The following TYW1 variants were observed in gnomAD, a reference collection of about 807,000 sequenced individuals.
The protein encoded by TYW1 is tRNA-yW synthesizing protein 1 homolog.
TYW1 carries 46 observed loss-of-function variants against 96.2 expected under a neutral mutation model. The ratio of observed to expected loss-of-function variants is 0.48; its 90% CI spans 0.38 to 0.61. The LOEUF is 0.61. Ranked by LOEUF, TYW1 falls within the 20% of genes least tolerant of loss-of-function variation. TYW1 has a pLI of 0.00. For missense variants in TYW1, 684 were observed against 909.6 expected (o/e 0.75, Z 3.19); for synonymous variants, 274 against 323.0 (o/e 0.85, Z 1.63).
chr7:67,080,409 T>TA, intron 10 of TYW1, among the ~76,000 whole-genome samples: 1 of 151,946 alleles, frequency 6.6e-6, no homozygotes. Flanking sequence ...TTACTTTTTT[T>TA]TTTTTTTTTA....
At chr7:67,048,007 C>T (rs538044477) in intron 7 of TYW1, among the ~76,000 whole-genome samples, 7 of 150,846 alleles carry the variant, frequency 4.6e-5, no homozygotes, top group South Asian at 4.2e-4. Flanking sequence ...AGGCTGGTCT[C>T]GAACTCCTGA....
intron 7 of TYW1, among the ~76,000 whole-genome samples, chr7:67,025,687 T>G (rs1272783220): frequency 6.6e-6 from 1 of 152,154 alleles, no homozygotes; most frequent in Non-Finnish European, 1.5e-5. Flanking sequence ...TGTGACTGTT[T>G]CAGTGACTAG....
intron 7 of TYW1, among the ~76,000 whole-genome samples, chr7:67,033,518 A>T (rs1166357636): frequency 1.3e-5 from 2 of 152,108 alleles, no homozygotes; most frequent in African/African-American, 4.8e-5. Context: ...GAGAGGCTGG[A>T]TTGGCAGTTT....
intron 7 of TYW1, among the ~76,000 whole-genome samples, chr7:67,035,879 G>A (rs7781357): frequency 0.61 from 90,942 of 150,296 alleles, 27,584 homozygotes; most frequent in Admixed American, 0.65. Context: ...AGGTTTCACC[G>A]TGTTAGCCAG....
rs761345069 is a variant in TYW1 at position 67,014,472 on chromosome 7, G to T, written c.481G>T (p.Asp161Tyr). Residue 161 changes from aspartate to tyrosine, a missense_variant, in exon 5 of 16, where the codon GAT (aspartate) becomes TAT (tyrosine). Asp to Tyr is a radical substitution (Grantham distance 160). Coordinates refer to ENST00000359626, the MANE Select transcript of TYW1 (RefSeq NM_018264.4). The part of the protein sequence containing the change: ...FCKWLEEASI[D>Y]FRFGKTYLKG... ...CAAATGGTTAGAGGAAGCATCCATT[G>T]ATTTTCGATTTGGCAAAACTTACCT... 5.0e-6 allele frequency: 8 copies of T among 1,613,936 alleles called. No homozygotes were observed. The South Asian group carries it at 7.7e-5, about 16-fold the overall frequency.
chr7:67,222,474 AT>A (rs55809913), intron 15 of TYW1, among the ~76,000 whole-genome samples: 41,906 of 151,748 alleles, frequency 0.28, 6,216 homozygotes, highest in African/African-American at 0.39. Flanking sequence ...CCTGGTTGAC[AT>A]TTTTTTTCTT....
At chr7:67,013,028 A>G (rs1277714482) in intron 4 of TYW1, among the ~76,000 whole-genome samples, 1 of 152,102 alleles carries the variant, frequency 6.6e-6, no homozygotes, top group Non-Finnish European at 1.5e-5. Context: ...TAATGGTGCC[A>G]AGTGTTAAAT....
At chr7:67,018,817 G>A (rs186934986) in intron 6 of TYW1, among the ~76,000 whole-genome samples, 18 of 151,830 alleles carry the variant, frequency 1.2e-4, no homozygotes, top group Admixed American at 3.9e-4. Flanking sequence ...TTAGCCAGGT[G>A]TGGTGGCGGG....
intron 7 of TYW1, among the ~76,000 whole-genome samples, chr7:67,035,824 C>T (rs1794820957): frequency 6.6e-6 from 1 of 152,000 alleles, no homozygotes; most frequent in Non-Finnish European, 1.5e-5. Context: ...ACTACAGGTG[C>T]ATGCCACCAT....
Position 67,049,990 on chromosome 7 carries a change from G to T in TYW1, c.1026G>T (p.Arg342Ser), listed in dbSNP as rs764057302. The T allele has an allele frequency of 6.2e-7, 1 of 1,614,050 alleles. No homozygotes were observed. The highest frequency in any genetic ancestry group is 1.1e-5 in the South Asian group (1 of 91,074). Residue 342 changes from arginine to serine, a missense_variant, in exon 8 of 16, where the codon AGG becomes AGT. By Grantham distance (110) the Arg-to-Ser change is moderately radical (BLOSUM62 -1). Transcript: ENST00000359626. Reference protein sequence around the residue: ...EQQEEKSGLFRNMGRNEDGER... With the variant: ...EQQEEKSGLFSNMGRNEDGER... ...AGGAAGAGAAGTCTGGTTTGTTCAG[G>T]AACATGGGGAGGAATGAAGATGGTG...
chr7:67,073,064 G>A lies in TYW1; in HGVS notation c.1274+5661G>A, dbSNP rs1034721497. ...CTCCCAAAGTGCTGAGATTATAGGC[G>A]TGGGCTACCATACCATATTCTTTTA... On this transcript the variant is annotated intron_variant, in intron 10 of 15. Coordinates refer to ENST00000359626, the MANE Select transcript of TYW1 (RefSeq NM_018264.4). 4.6e-5 allele frequency among the ~76,000 whole-genome samples: 7 copies of A among 150,568 alleles called. No individual in the cohort carries two copies. The East Asian group carries it at 5.9e-4, about 13-fold the overall frequency.
At chr7:67,115,642 A>C (rs1361090189) in intron 12 of TYW1, among the ~76,000 whole-genome samples, 2 of 152,150 alleles carry the variant, frequency 1.3e-5, no homozygotes, top group African/African-American at 4.8e-5. Context: ...GAAATCAACA[A>C]TATCTCCTAA....
At chr7:67,181,759 G>A (rs1454775450) in intron 13 of TYW1, among the ~76,000 whole-genome samples, 1 of 152,080 alleles carries the variant, frequency 6.6e-6, no homozygotes, top group Non-Finnish European at 1.5e-5. Context: ...TAGTCTGTTG[G>A]TTATAGGCAA....
At chr7:67,178,769 A>G (rs968332483) in intron 13 of TYW1, among the ~76,000 whole-genome samples, 9 of 151,568 alleles carry the variant, frequency 5.9e-5, no homozygotes, top group South Asian at 2.1e-4. Flanking sequence ...GATATTAGTC[A>G]GGTGAAGGGA....
intron 5 of TYW1, among the ~76,000 whole-genome samples, chr7:67,016,814 A>G (rs1456128858): frequency 6.6e-6 from 1 of 151,738 alleles, no homozygotes; most frequent in Non-Finnish European, 1.5e-5. Flanking sequence ...TTTTGTAGAG[A>G]TGGGGTTTTA....
At chr7:67,005,633 C>T (rs946413306) in intron 3 of TYW1, among the ~76,000 whole-genome samples, 2 of 152,152 alleles carry the variant, frequency 1.3e-5, no homozygotes, top group African/African-American at 4.8e-5. Flanking sequence ...GTCTCAGGTA[C>T]TCCTTTATAG....
At chr7:67,179,814 CCTG>C (rs772250732) in intron 13 of TYW1, among the ~76,000 whole-genome samples, 3 of 144,294 alleles carry the variant, frequency 2.1e-5, no homozygotes, top group East Asian at 2.0e-4. Context: ...TACTCACTGT[CCTG>C]CATGCTATTT....
intron 8 of TYW1, among the ~76,000 whole-genome samples, chr7:67,055,318 T>G (rs1749083563): frequency 6.6e-6 from 1 of 152,128 alleles, no homozygotes; most frequent in Non-Finnish European, 1.5e-5. Context: ...GTTTCATGAT[T>G]GGGTGTGGTG....
intron 10 of TYW1, among the ~76,000 whole-genome samples, chr7:67,072,712 C>T (rs1205600975): frequency 2.0e-5 from 3 of 151,958 alleles, no homozygotes; most frequent in South Asian, 4.1e-4. Context: ...TTTATCTGTA[C>T]ATACTTCAAC....
Sources: gnomAD v4.1 joint callset for allele counts (sites outside exome capture counted in the v4.1 genomes callset) on GRCh38, gnomAD v4.1.1 for gene constraint, MANE v1.5 for transcripts, NCBI Gene and HGNC (gene_info 2026-07-23, HGNC 2026-07-21) for gene names.